CCDC12: variants seen among roughly 807,000 people sequenced by gnomAD.
CCDC12 encodes the protein coiled-coil domain containing 12, also known as coiled-coil domain-containing protein 12.
CCDC12 carries 28 observed loss-of-function variants against 25.7 expected under a neutral mutation model. The observed-to-expected ratio is 1.09, with a 90% CI of 0.81 to 1.50. The LOEUF is 1.50. CCDC12 is among the 40% of genes most tolerant of loss of function. The pLI is 0.00. For missense variants in CCDC12, 198 were observed against 210.0 expected (o/e 0.94, Z 0.35); for synonymous variants, 75 against 87.7 (o/e 0.86, Z 0.81).
At chr3:46,980,229 G>A (rs1337458258), upstream of CCDC12, among the ~76,000 whole-genome samples, 1 of 152,236 alleles carries the variant, frequency 6.6e-6, no homozygotes, top group Admixed American at 6.5e-5. Flanking sequence ...CGGACACTTG[G>A]CCTTTTTACA....
chr3:46,922,282 C>T lies in CCDC12; in HGVS notation c.372G>A (p.Leu124=), dbSNP rs1559545779. The change falls in exon 6 of 7, where the codon CTG becomes CTA. Residue 124 remains leucine, a synonymous_variant. Coordinates refer to ENST00000683445, the MANE Select transcript of CCDC12 (RefSeq NM_001277074.2). ...WDLKRDVAKK[L]EKLKKRTQRA... ...TCTGAGTCCGCTTTTTTAGTTTCTC[C>T]AGCTTCTTGGCCACATCTCTCTTGA... is the stretch of plus-strand genomic sequence containing the variant. 6 of 1,614,152 alleles carry T rather than the reference C, an allele frequency of 3.7e-6. No homozygotes were observed. The highest frequency in any genetic ancestry group is 5.1e-6 in the Non-Finnish European group (6 of 1,180,058).
At chr3:46,979,820 G>A (rs1466334792), upstream of CCDC12, 3 of 411,324 alleles carry the variant, frequency 7.3e-6, no homozygotes, top group Non-Finnish European at 1.3e-5. Context: ...CGGAGGAGGC[G>A]GCGACAGGTG....
At chr3:46,965,612 C>G (rs975320561) in intron 1 of CCDC12, among the ~76,000 whole-genome samples, 1 of 152,188 alleles carries the variant, frequency 6.6e-6, no homozygotes, top group Non-Finnish European at 1.5e-5. Context: ...CACTGCAGAG[C>G]CCCTCCTTGC....
rs2032802274 is a variant in CCDC12, at chr3:46,923,647, T to C, written c.266A>G (p.Gln89Arg). 6.4e-7 allele frequency: 1 copy of C among 1,574,534 alleles called. No individual in the cohort carries two copies. Among genetic ancestry groups the C allele is most frequent in the East Asian group, 2.3e-5 (1 of 43,766 alleles). Residue 89 changes from glutamine (Q) to arginine (R), a missense_variant, in exon 4 of 7, where the codon CAG becomes CGG. Physicochemically the swap from Gln to Arg is conservative, Grantham distance 43. Transcript: ENST00000683445. ...PVAVEEKVKE[Q>R]LEAAKPEPVI... ...GGGCTCGGGCTTGGCGGCCTCCAGC[T>C]GCTCCTTCACCTTCTCCTCCACTAG...
At chr3:46,971,431 G>GC (rs1449366798) in intron 1 of CCDC12, among the ~76,000 whole-genome samples, 2 of 152,218 alleles carry the variant, frequency 1.3e-5, no homozygotes, top group African/African-American at 4.8e-5. Flanking sequence ...GGACATCCCA[G>GC]CTCTCCTCAG....
chr3:46,941,089 C>G, intron 1 of CCDC12, 24 bp from the exon 2 acceptor site: 1 of 1,612,856 alleles, frequency 6.2e-7, no homozygotes, highest in Non-Finnish European at 8.5e-7. Context: ...GAGAAAACCA[C>G]CAGCTCAGTT....
chr3:46,940,176 C>A (rs2033642568), intron 2 of CCDC12, among the ~76,000 whole-genome samples: 1 of 152,220 alleles, frequency 6.6e-6, no homozygotes, highest in Non-Finnish European at 1.5e-5. Flanking sequence ...AGCAGCACAG[C>A]TTTGCCTCGC....
chr3:46,944,208 G>T (rs2033820854), intron 1 of CCDC12, among the ~76,000 whole-genome samples: 1 of 152,196 alleles, frequency 6.6e-6, no homozygotes, highest in Non-Finnish European at 1.5e-5. Context: ...TTTGTCCAAA[G>T]TCACAGAACC....
chr3:46,941,978 T>G (rs577175032), intron 1 of CCDC12, among the ~76,000 whole-genome samples: 1 of 152,256 alleles, frequency 6.6e-6, no homozygotes, highest in Non-Finnish European at 1.5e-5. Context: ...GAAGTTTCCA[T>G]GAAAATTTTC....
In CCDC12 at chr3:46,922,942, G is replaced by T. The variant is rs192575406; in HGVS notation, c.341+387C>A. The T allele has an allele frequency of 1.7e-4, 33 of 189,178 alleles. No homozygotes were observed. The East Asian group carries it at 4.4e-3, about 25-fold the overall frequency. 11.7% of individuals were successfully genotyped at this position (189,178 alleles called of 1,614,324 possible). ...TGACGACCTCCATTTCACAGAGGAG[G>T]AAACCAGGGCCAGAGGGAACAAGCT... is the stretch of plus-strand genomic sequence containing the variant. On this transcript the variant is annotated intron_variant, in intron 5 of 6. Coordinates refer to ENST00000683445, the MANE Select transcript of CCDC12 (RefSeq NM_001277074.2).
chr3:46,967,722 G>A (rs963788523), intron 1 of CCDC12, among the ~76,000 whole-genome samples: 12 of 152,176 alleles, frequency 7.9e-5, no homozygotes, highest in African/African-American at 2.7e-4. Context: ...TGTATCCCCA[G>A]GGCCTGTCAT....
chr3:46,960,959 G>C (rs999037222), intron 1 of CCDC12, among the ~76,000 whole-genome samples: 1 of 152,024 alleles, frequency 6.6e-6, no homozygotes, highest in East Asian at 1.9e-4. Context: ...TGGGTTGGGG[G>C]CATGTGGAGG....
At chr3:46,926,953 A>G (rs1430883844) in intron 2 of CCDC12, among the ~76,000 whole-genome samples, 1 of 152,224 alleles carries the variant, frequency 6.6e-6, no homozygotes, top group Non-Finnish European at 1.5e-5. Flanking sequence ...TCCCAGAGGC[A>G]GGGGTGTCTG....
intron 1 of CCDC12, 150 bp downstream of exon 1, chr3:46,976,487 A>G: frequency 7.0e-7 from 1 of 1,435,394 alleles, no homozygotes; most frequent in Non-Finnish European, 9.1e-7. Context: ...ACATCGTGGG[A>G]GGGCGCCGTC....
chr3:46,937,572 C>T (rs1465070764), intron 2 of CCDC12, among the ~76,000 whole-genome samples: 1 of 152,242 alleles, frequency 6.6e-6, no homozygotes. Context: ...TCACTTCTTT[C>T]TCTCCAGTGG....
intron 3 of CCDC12, among the ~76,000 whole-genome samples, chr3:46,924,761 A>G (rs555770659): frequency 1.3e-5 from 2 of 152,344 alleles, no homozygotes; most frequent in East Asian, 3.9e-4. Context: ...GGTTACAGTG[A>G]GCTGAGATTA....
intron 2 of CCDC12, among the ~76,000 whole-genome samples, chr3:46,927,601 A>ACC (rs2033019102): frequency 6.6e-6 from 1 of 152,046 alleles, no homozygotes; most frequent in Non-Finnish European, 1.5e-5. Context: ...GTGCCCTGCC[A>ACC]CCCCCAGAGC....
At chr3:46,976,981 A>C, upstream of CCDC12, 2 of 587,112 alleles carry the variant, frequency 3.4e-6, no homozygotes, top group East Asian at 3.0e-5. Context: ...AAAAAAAAAA[A>C]AGCTAAGGCT....
rs746128640 is a variant in CCDC12, at chr3:46,923,408, G to C, written c.307-45C>G. ...ACATCAGGGTGGAGGGGCCACCCCA[G>C]GACAAGGGGGAGGGCAGGCTCGAGA... is the stretch of plus-strand genomic sequence containing the variant. On this transcript the variant is annotated intron_variant, in intron 4 of 6. Coordinates refer to ENST00000683445, the MANE Select transcript of CCDC12 (RefSeq NM_001277074.2). The C allele has an allele frequency of 3.2e-6, 5 of 1,552,614 alleles. No individual in the cohort carries two copies. In the Admixed American group the frequency reaches 9.0e-5, roughly 28 times the overall value.
Sources: allele counts gnomAD v4.1 joint callset (sites outside exome capture counted in the v4.1 genomes callset), GRCh38; gene constraint gnomAD v4.1.1; transcripts MANE v1.5; gene names NCBI Gene and HGNC (gene_info 2026-07-23, HGNC 2026-07-21).